The following OPCML variants were observed in gnomAD, a reference collection of about 807,000 sequenced individuals.
OPCML encodes opioid binding protein/cell adhesion molecule like.
A neutral mutation model predicts 37.8 loss-of-function variants in OPCML; 13 were observed. That is an observed-to-expected ratio of 0.34 (90% CI 0.22 to 0.55). The LOEUF is 0.55. Ranked by LOEUF, OPCML falls within the 20% of genes least tolerant of loss-of-function variation. The pLI is 0.91. For synonymous variants in OPCML, 176 were observed against 168.8 expected (o/e 1.04, Z -0.33); for missense variants, 341 against 435.6 (o/e 0.78, Z 1.93).
At chr11:132,919,462 C>T (rs764859634) in intron 2 of OPCML, among the ~76,000 whole-genome samples, 10 of 152,154 alleles carry the variant, frequency 6.6e-5, no homozygotes, top group Non-Finnish European at 1.2e-4. Flanking sequence ...ATGAAGAGTG[C>T]TAAGTGGAAT....
At chr11:133,028,894 CAAAAA>C (rs56272022) in intron 1 of OPCML, among the ~76,000 whole-genome samples, 1 of 140,132 alleles carries the variant, frequency 7.1e-6, no homozygotes. Context: ...CTGCACACAG[CAAAAA>C]AAAAAAAAAG....
At position 132,949,661 on chromosome 11, in the gene OPCML, T is replaced by C. The variant is rs557042518; in HGVS notation, c.62-6651A>G. On this transcript the variant is annotated intron_variant, in intron 1 of 7. Coordinates refer to ENST00000524381, the MANE Select transcript of OPCML (RefSeq NM_001012393.5). ...ACCAATTTAAAAATGACAAAAAATG[T>C]AACACGATTTTTACTTATTCATTTA... is the stretch of plus-strand genomic sequence containing the variant. Among the ~76,000 whole-genome samples, 6 of 152,334 alleles carry C rather than the reference T, an allele frequency of 3.9e-5. 1 individual carries two copies. Among genetic ancestry groups the C allele is most frequent in the African/African-American group, 1.4e-4 (6 of 41,574 alleles).
intron 2 of OPCML, among the ~76,000 whole-genome samples, chr11:132,783,730 C>T (rs1256980530): frequency 6.6e-6 from 1 of 152,092 alleles, no homozygotes; most frequent in African/African-American, 2.4e-5. Context: ...ACCACTCTTT[C>T]CCTAAGTATA....
chr11:132,855,588 A>G (rs1211394346), intron 2 of OPCML, among the ~76,000 whole-genome samples: 1 of 152,162 alleles, frequency 6.6e-6, no homozygotes, highest in East Asian at 1.9e-4. Context: ...GCCACATGGT[A>G]ACTCCATGTT....
At chr11:133,289,579 A>T (rs1942411064) in intron 1 of OPCML, among the ~76,000 whole-genome samples, 1 of 135,812 alleles carries the variant, frequency 7.4e-6, no homozygotes, top group Non-Finnish European at 1.5e-5. Flanking sequence ...TGGGCGACAG[A>T]GCGAGACTCC....
At chr11:132,924,458 T>C (rs2136601994) in intron 2 of OPCML, among the ~76,000 whole-genome samples, 2 of 152,338 alleles carry the variant, frequency 1.3e-5, no homozygotes, top group Middle Eastern at 6.8e-3. Context: ...ACTTTTAACA[T>C]TTCTTGCAAA....
chr11:133,102,675 G>A (rs2382619), intron 1 of OPCML, among the ~76,000 whole-genome samples: 4 of 151,918 alleles, frequency 2.6e-5, no homozygotes, highest in African/African-American at 9.7e-5. Flanking sequence ...GAGTGAACCC[G>A]GGAGGTGGAG....
At chr11:132,755,792 A>T (rs1946022095) in intron 2 of OPCML, among the ~76,000 whole-genome samples, 1 of 152,164 alleles carries the variant, frequency 6.6e-6, no homozygotes, top group Non-Finnish European at 1.5e-5. Flanking sequence ...ACCACCAACA[A>T]AGCAACAACA....
chr11:132,861,599 G>C (rs568194001), intron 2 of OPCML, among the ~76,000 whole-genome samples: 150 of 152,238 alleles, frequency 9.9e-4, no homozygotes, highest in Middle Eastern at 3.4e-3. Flanking sequence ...CAGTTTGGGA[G>C]GCCGAAGTGG....
intron 1 of OPCML, among the ~76,000 whole-genome samples, chr11:133,154,929 G>A (rs1592055937): frequency 6.6e-6 from 1 of 152,182 alleles, no homozygotes; most frequent in Admixed American, 6.5e-5. Flanking sequence ...CACCAGAACC[G>A]TTGCTTGTGT....
At chr11:132,824,079 T>C (rs1429833193) in intron 2 of OPCML, among the ~76,000 whole-genome samples, 3 of 152,188 alleles carry the variant, frequency 2.0e-5, no homozygotes, top group African/African-American at 4.8e-5. Flanking sequence ...CCCTCACTGA[T>C]GCTGCAGCCT....
At chr11:133,407,715 C>T (rs567443489) in intron 1 of OPCML, among the ~76,000 whole-genome samples, 2 of 152,342 alleles carry the variant, frequency 1.3e-5, no homozygotes, top group Admixed American at 1.3e-4. Context: ...AGAAAGGAGG[C>T]TGACAGGTCA....
chr11:133,009,249 A>C, intron 1 of OPCML: 16 of 985,008 alleles, frequency 1.6e-5, no homozygotes, highest in Non-Finnish European at 1.9e-5. Context: ...AAGAAAACGG[A>C]CATAAATACT....
rs1284888949 is a variant in OPCML at position 132,857,009 on chromosome 11, A to AC, written c.146+85916_146+85917insG. 2.6e-5 allele frequency among the ~76,000 whole-genome samples: 4 copies of AC among 152,032 alleles called. No homozygotes were observed. In the South Asian group the frequency reaches 6.2e-4, roughly 24 times the overall value. On this transcript the variant is annotated intron_variant, in intron 2 of 7. Coordinates refer to ENST00000524381, the MANE Select transcript of OPCML (RefSeq NM_001012393.5). ...ACTCTGCCTTATGCCCCTTGGATGA[A>AC]TTTTTTTTCTCTGGGGAGGCAAGAA...
chr11:132,722,967 G>C (rs948802016), intron 2 of OPCML, among the ~76,000 whole-genome samples: 8 of 152,204 alleles, frequency 5.3e-5, no homozygotes, highest in African/African-American at 1.9e-4. Context: ...GATGGAGGTT[G>C]ATTGGAACAG....
At chr11:133,361,702 G>C (rs115243418) in intron 1 of OPCML, 16,840 of 154,724 alleles carry the variant, frequency 0.11, 1,282 homozygotes, top group African/African-American at 0.19. Context: ...CCCCATAAGC[G>C]CCTAGAGAGC....
rs145456713 is a variant in OPCML at position 132,803,155 on chromosome 11, C to T, written c.146+139771G>A. On this transcript the variant is annotated intron_variant, in intron 2 of 7. Coordinates refer to ENST00000524381, the MANE Select transcript of OPCML (RefSeq NM_001012393.5). ...GACCTAAGCAAATGCATTAGGAAAA[C>T]GCCATTAGCAGCTCCCTCTCTTCAT... Among the ~76,000 whole-genome samples, 12 of 152,206 alleles carry T rather than the reference C, an allele frequency of 7.9e-5. No homozygotes were observed. In the East Asian group the frequency reaches 1.9e-3, roughly 25 times the overall value.
intron 2 of OPCML, among the ~76,000 whole-genome samples, chr11:132,666,482 G>A (rs969320665): frequency 2.0e-5 from 3 of 152,074 alleles, no homozygotes; most frequent in Admixed American, 2.0e-4. Context: ...TCCAATCTTG[G>A]GGCTCACATT....
intron 1 of OPCML, among the ~76,000 whole-genome samples, chr11:133,407,343 T>C (rs1288335545): frequency 6.6e-6 from 1 of 152,184 alleles, no homozygotes; most frequent in Non-Finnish European, 1.5e-5. Context: ...TAATTCATGA[T>C]ATAAAGCAAT....
Sources: gnomAD v4.1 joint callset for allele counts (sites outside exome capture counted in the v4.1 genomes callset) on GRCh38, gnomAD v4.1.1 for gene constraint, MANE v1.5 for transcripts, NCBI Gene and HGNC (gene_info 2026-07-23, HGNC 2026-07-21) for gene names.